The following AADAT variants were observed in gnomAD, a reference collection of about 807,000 sequenced individuals.
AADAT encodes the protein kynurenine/alpha-aminoadipate aminotransferase, mitochondrial.
In AADAT, 25 loss-of-function variants were observed where a neutral mutation model predicts 56.2. The observed-to-expected ratio is 0.44, with a 90% CI of 0.32 to 0.62. AADAT has a LOEUF of 0.62. Among genes scored for constraint, AADAT ranks in the 20% least tolerant of loss-of-function variants. The pLI is 0.04. For synonymous variants in AADAT, 173 were observed against 164.7 expected (o/e 1.05, Z -0.39); for missense variants, 387 against 510.5 (o/e 0.76, Z 2.33).
At chr4:170,079,655 A>C (rs1732196817) in intron 3 of AADAT, among the ~76,000 whole-genome samples, 1 of 152,152 alleles carries the variant, frequency 6.6e-6, no homozygotes. Context: ...CAATAGGGAA[A>C]TGAGGAAGAG....
rs142662341 is a variant in AADAT, at chr4:170,064,848, A to T, written c.1028-23T>A. 194 of 1,594,426 alleles carry T rather than the reference A, an allele frequency of 1.2e-4. 1 individual carries two copies. The highest frequency in any genetic ancestry group is 2.2e-4 in the Admixed American group (12 of 54,746). ...AACCTACAAACAAAAGAAGAGAATA[A>T]ATGTCTTCCAAAGGAAGGCATTTTT... On this transcript the variant is annotated intron_variant, in intron 10 of 12. Coordinates refer to ENST00000337664, the MANE Select transcript of AADAT (RefSeq NM_016228.4).
chr4:170,079,443 C>T (rs1732189254), intron 3 of AADAT, among the ~76,000 whole-genome samples: 1 of 152,010 alleles, frequency 6.6e-6, no homozygotes, highest in Non-Finnish European at 1.5e-5. Context: ...TTGAAAAGAT[C>T]AATCTGGCTG....
At chr4:170,064,896 A>G in intron 10 of AADAT, 71 bp from the exon 11 acceptor site, 1 of 1,336,020 alleles carries the variant, frequency 7.5e-7, no homozygotes, top group Non-Finnish European at 1.0e-6. Context: ...GTGTGTTGTT[A>G]AATGGCATAA....
chr4:170,072,928 G>C (rs1008348626), intron 5 of AADAT, among the ~76,000 whole-genome samples: 1 of 151,984 alleles, frequency 6.6e-6, no homozygotes, highest in Non-Finnish European at 1.5e-5. Context: ...TCAATTATGG[G>C]GAAAGAAAAA....
upstream of AADAT, among the ~76,000 whole-genome samples, chr4:170,092,347 C>T (rs577902110): frequency 6.6e-6 from 1 of 152,350 alleles, no homozygotes; most frequent in South Asian, 2.1e-4. Flanking sequence ...GAGGAGTAAA[C>T]AAATCCAGCC....
chr4:170,088,008 T>G (rs1732645068), intron 2 of AADAT, among the ~76,000 whole-genome samples: 1 of 150,508 alleles, frequency 6.6e-6, no homozygotes, highest in Non-Finnish European at 1.5e-5. Flanking sequence ...TCCTGGATCT[T>G]CCGTTTCTTC....
chr4:170,068,168 T>G (rs1397638490), intron 8 of AADAT, among the ~76,000 whole-genome samples: 1 of 151,018 alleles, frequency 6.6e-6, no homozygotes, highest in African/African-American at 2.4e-5. Flanking sequence ...AATTAAAATG[T>G]TATAAATTGA....
At chr4:170,069,990 A>G (rs1247398889) in intron 6 of AADAT, among the ~76,000 whole-genome samples, 1 of 152,152 alleles carries the variant, frequency 6.6e-6, no homozygotes, top group Non-Finnish European at 1.5e-5. Flanking sequence ...GCTCACATAC[A>G]TGATAGTGTG....
upstream of AADAT, chr4:170,090,169 C>A: frequency 6.6e-6 from 1 of 152,436 alleles, no homozygotes; most frequent in Non-Finnish European, 1.5e-5. Context: ...CACCGCAACC[C>A]GGCGTCCGCG....
chr4:170,076,172 C>T (rs1395584719), intron 4 of AADAT, among the ~76,000 whole-genome samples: 4 of 152,166 alleles, frequency 2.6e-5, no homozygotes, highest in Admixed American at 2.0e-4. Context: ...GACAAACTTT[C>T]CCACAGTGGC....
intron 7 of AADAT, 99 bp from the exon 8 acceptor site, chr4:170,068,786 C>A: frequency 1.3e-6 from 1 of 743,398 alleles, no homozygotes; most frequent in East Asian, 2.7e-5. Flanking sequence ...GACCTGGGGA[C>A]AAAAGGATCT....
At chr4:170,064,490 G>A (rs151121252) in intron 11 of AADAT, among the ~76,000 whole-genome samples, 4 of 152,324 alleles carry the variant, frequency 2.6e-5, no homozygotes, top group Admixed American at 1.3e-4. Flanking sequence ...ACGCTAATCA[G>A]TAGCTGAGAT....
chr4:170,093,597 A>G (rs1732931844), upstream of AADAT, among the ~76,000 whole-genome samples: 1 of 152,048 alleles, frequency 6.6e-6, no homozygotes, highest in South Asian at 2.1e-4. Flanking sequence ...TATTTATTTT[A>G]TTTTGAGAGG....
chr4:170,075,682 T>A (rs1017797464), intron 4 of AADAT, among the ~76,000 whole-genome samples: 2 of 151,678 alleles, frequency 1.3e-5, no homozygotes, highest in East Asian at 3.9e-4. Context: ...ATCACCTCTG[T>A]CTATTTCCAA....
At chr4:170,076,379 C>T (rs1391461884) in intron 4 of AADAT, among the ~76,000 whole-genome samples, 1 of 152,170 alleles carries the variant, frequency 6.6e-6, no homozygotes, top group African/African-American at 2.4e-5. Context: ...GCAGGTACAG[C>T]AGTCACACAT....
rs756914461 is a variant in AADAT at position 170,064,829 on chromosome 4, C to G, written c.1028-4G>C. On this transcript the variant is annotated splice_region_variant and splice_polypyrimidine_tract_variant and intron_variant, in intron 10 of 12. Transcript: ENST00000337664. ...GGAACATGCCATTCTGCCAAACCTA[C>G]AAACAAAAGAAGAGAATAAATGTCT... The G allele has an allele frequency of 5.0e-6, 8 of 1,606,316 alleles. No homozygotes were observed. The Admixed American group carries it at 1.4e-4, about 28-fold the overall frequency.
chr4:170,075,632 C>T (rs545487992), intron 4 of AADAT, among the ~76,000 whole-genome samples: 58 of 152,302 alleles, frequency 3.8e-4, no homozygotes, highest in African/African-American at 1.2e-3. Context: ...TTTAGGAGTA[C>T]AATTCAGTGG....
Position 170,073,265 on chromosome 4 carries a change from A to C in AADAT, c.525T>G (p.Leu175=). The part of the protein sequence containing the change: ...GIVPDSLRDI[L]SRWKPEDAKN... ...TTGCATCTTCTGGTTTCCATCTGGA[A>C]AGTATGTCTCTTAGGGAATCTGGAA... is the stretch of plus-strand genomic sequence containing the variant. Residue 175 remains leucine, a synonymous_variant, in exon 5 of 13, where the codon CTT becomes CTG. Coordinates refer to ENST00000337664, the MANE Select transcript of AADAT (RefSeq NM_016228.4). 6.2e-7 allele frequency: 1 copy of C among 1,614,166 alleles called. No homozygotes were observed. Among genetic ancestry groups the C allele is most frequent in the Non-Finnish European group, 8.5e-7 (1 of 1,180,016 alleles).
At chr4:170,063,480 AATTG>A (rs1731296249) in intron 11 of AADAT, among the ~76,000 whole-genome samples, 1 of 152,244 alleles carries the variant, frequency 6.6e-6, no homozygotes, top group Non-Finnish European at 1.5e-5. Flanking sequence ...GAATGTATCA[AATTG>A]ATTTATTATA....
Sources: gnomAD v4.1 joint callset for allele counts (sites outside exome capture counted in the v4.1 genomes callset) on GRCh38, gnomAD v4.1.1 for gene constraint, MANE v1.5 for transcripts, NCBI Gene and HGNC (gene_info 2026-07-23, HGNC 2026-07-21) for gene names.